PEAK1: variants seen among roughly 807,000 people sequenced by gnomAD.
The protein encoded by PEAK1 is inactive tyrosine-protein kinase PEAK1.
Under a neutral mutation model 124.7 loss-of-function variants are expected in PEAK1, and 54 were observed. That is an observed-to-expected ratio of 0.43 (90% CI 0.35 to 0.54). The LOEUF (loss-of-function observed/expected upper bound fraction) is 0.54, where lower values mean the gene tolerates loss of function less well. PEAK1 is among the 20% of genes least tolerant of loss of function. PEAK1 has a pLI of 0.01. For synonymous variants in PEAK1, 719 were observed against 760.0 expected, an observed-to-expected ratio of 0.95 and a Z score of 0.89; for missense variants, 2,046 against 2,134.5, an observed-to-expected ratio of 0.96 and a Z score of 0.82.
chr15:77,346,666 A>G, intron 2 of PEAK1: 5 of 984,434 alleles, frequency 5.1e-6, no homozygotes, highest in Non-Finnish European at 6.0e-6. Context: ...AAAAATATTA[A>G]TTGCAAAAAC....
intron 6 of PEAK1, among the ~76,000 whole-genome samples, chr15:77,236,787 G>C (rs1465565585): frequency 2.0e-5 from 3 of 152,182 alleles, no homozygotes; most frequent in Non-Finnish European, 4.4e-5. Flanking sequence ...GACCTGGTGG[G>C]AAGTGATGGG....
chr15:77,136,771 G>C (rs772822587), intron 8 of PEAK1, among the ~76,000 whole-genome samples: 52 of 152,208 alleles, frequency 3.4e-4, no homozygotes, highest in Admixed American at 1.1e-3. Context: ...AGAAATTCAA[G>C]CTGGTTGCAG....
intron 7 of PEAK1, among the ~76,000 whole-genome samples, chr15:77,158,969 AGGT>A (rs1438824627): frequency 6.6e-6 from 1 of 152,160 alleles, no homozygotes; most frequent in East Asian, 1.9e-4. Context: ...TTTAGGTGGG[AGGT>A]GGTGATGTTG....
intron 1 of PEAK1, among the ~76,000 whole-genome samples, chr15:77,409,341 T>C (rs1379243090): frequency 2.0e-5 from 3 of 152,174 alleles, no homozygotes; most frequent in African/African-American, 7.2e-5. Flanking sequence ...TATGAGCTCA[T>C]TAAAAACCCT....
intron 5 of PEAK1, among the ~76,000 whole-genome samples, chr15:77,257,747 C>G (rs945571632): frequency 2.6e-5 from 4 of 152,198 alleles, no homozygotes; most frequent in South Asian, 2.1e-4. Context: ...TCCCATTTGT[C>G]AATTTTGGCT....
At chr15:77,260,670 A>G (rs929516412) in intron 5 of PEAK1, among the ~76,000 whole-genome samples, 11 of 152,214 alleles carry the variant, frequency 7.2e-5, no homozygotes, top group African/African-American at 1.4e-4. Context: ...AAAAAGGTGG[A>G]GCCAAGATGG....
At chr15:77,413,786 C>A (rs1294932582) in intron 1 of PEAK1, among the ~76,000 whole-genome samples, 1 of 152,150 alleles carries the variant, frequency 6.6e-6, no homozygotes, top group Non-Finnish European at 1.5e-5. Context: ...AGGATGTTAA[C>A]ATTAGAGGAA....
intron 1 of PEAK1, among the ~76,000 whole-genome samples, chr15:77,398,977 G>GA (rs1182541385): frequency 6.6e-6 from 1 of 151,022 alleles, no homozygotes; most frequent in Non-Finnish European, 1.5e-5. Context: ...CAAAAAATCT[G>GA]AAAAAAAAGT....
intron 2 of PEAK1, among the ~76,000 whole-genome samples, chr15:77,295,585 C>A (rs962893571): frequency 2.0e-5 from 3 of 152,150 alleles, no homozygotes; most frequent in Admixed American, 6.5e-5. Flanking sequence ...TTACTTGATA[C>A]TGAAAACTGA....
chr15:77,325,667 A>G (rs1344903128), intron 2 of PEAK1, among the ~76,000 whole-genome samples: 1 of 152,112 alleles, frequency 6.6e-6, no homozygotes, highest in Non-Finnish European at 1.5e-5. Flanking sequence ...ATTTTAAAAA[A>G]GATGTTTCTG....
At chr15:77,352,661 T>C (rs932653695) in intron 2 of PEAK1, 2 of 952,134 alleles carry the variant, frequency 2.1e-6, no homozygotes, top group Non-Finnish European at 2.5e-6. Context: ...CCTAAGGTTG[T>C]TTATGATATA....
At chr15:77,101,688 C>T (rs937236551) in exon 7 of PEAK1, 1 of 152,122 alleles carries the variant, frequency 6.6e-6, no homozygotes, top group East Asian at 1.9e-4. Context: ...CTGAAGGACC[C>T]TGGGGAGGAG....
At chr15:77,268,888 C>T (rs997700974) in intron 5 of PEAK1, among the ~76,000 whole-genome samples, 4 of 152,000 alleles carry the variant, frequency 2.6e-5, no homozygotes, top group Admixed American at 2.6e-4. Flanking sequence ...TAATTATCAG[C>T]CAAGAATTTT....
At chr15:77,291,742 C>T (rs971369493) in intron 2 of PEAK1, among the ~76,000 whole-genome samples, 1 of 151,978 alleles carries the variant, frequency 6.6e-6, no homozygotes, top group African/African-American at 2.4e-5. Context: ...CTTTGGGAGG[C>T]CGAGGCAAGT....
At chr15:77,331,676 G>C (rs2065898035) in intron 2 of PEAK1, among the ~76,000 whole-genome samples, 1 of 151,874 alleles carries the variant, frequency 6.6e-6, no homozygotes, top group Non-Finnish European at 1.5e-5. Flanking sequence ...GGAGTCAGTG[G>C]CACGATCTCA....
At chr15:77,384,694 A>G (rs542614133) in intron 1 of PEAK1, among the ~76,000 whole-genome samples, 1 of 152,334 alleles carries the variant, frequency 6.6e-6, no homozygotes, top group Non-Finnish European at 1.5e-5. Context: ...AATTTGCCAG[A>G]AGTTTAAACA....
At chr15:77,281,144 G>T (rs1359433768) in intron 5 of PEAK1, among the ~76,000 whole-genome samples, 2 of 152,052 alleles carry the variant, frequency 1.3e-5, no homozygotes, top group Non-Finnish European at 2.9e-5. Flanking sequence ...TCCAGCCTGG[G>T]CAACAGAGCA....
chr15:77,336,011 A>AC, intron 2 of PEAK1: 1 of 985,342 alleles, frequency 1.0e-6, no homozygotes, highest in African/African-American at 1.7e-5. Context: ...GAGTTAATAG[A>AC]CCCAGGTATC....
rs530658185 is a variant in PEAK1, at chr15:77,214,072, T to C, written c.-114-32032A>G. Among the ~76,000 whole-genome samples the C allele has an allele frequency of 1.2e-4, 18 of 152,322 alleles. No individual in the cohort carries two copies. The South Asian group carries it at 3.7e-3, about 32-fold the overall frequency. ...TTGACTTGCCTCACTTACCATGTTG[T>C]TTTTGAGATACATTAATCTTGTGTG... On this transcript the variant is annotated intron_variant, in intron 6 of 9. Transcript: ENST00000682557.
Sources: allele counts gnomAD v4.1 joint callset (sites outside exome capture counted in the v4.1 genomes callset), GRCh38; gene constraint gnomAD v4.1.1; transcripts MANE v1.5; gene names NCBI Gene and HGNC (gene_info 2026-07-23, HGNC 2026-07-21).